The following SUSD5 variants were observed in gnomAD, a reference collection of about 807,000 sequenced individuals.
The protein encoded by SUSD5 is sushi domain containing 5, also known as sushi domain-containing protein 5.
In SUSD5, 33 loss-of-function variants were observed where a neutral mutation model predicts 29.5. The observed-to-expected ratio is 1.12, with a 90% confidence interval of 0.85 to 1.49. The LOEUF (loss-of-function observed/expected upper bound fraction) is 1.49. SUSD5 is among the 40% of genes most tolerant of loss of function. SUSD5 has a pLI of 0.00. For synonymous variants in SUSD5, 308 were observed against 325.3 expected (o/e 0.95, Z 0.57); for missense variants, 776 against 800.6 (o/e 0.97, Z 0.37).
In SUSD5 at chr3:33,167,076, C is replaced by T. The variant is rs1048086582; in HGVS notation, c.598+7810G>A. On this transcript the variant is annotated intron_variant, in intron 4 of 4. Coordinates refer to ENST00000309558, the MANE Select transcript of SUSD5 (RefSeq NM_015551.2). This position sits in a 1 kb window ranked among gnomAD's most constrained non-coding sequence, Gnocchi z 4.1. ...TGCCTGTAATCCCAGGTACTCAGGA[C>T]GCTGAGGCAGAAGAACAGCTTGAAC... is the stretch of plus-strand genomic sequence containing the variant. Among the ~76,000 whole-genome samples the T allele has an allele frequency of 6.6e-6, 1 of 151,866 alleles. No individual in the cohort carries two copies.
chr3:33,217,690 CTT>C (rs796649693), intron 1 of SUSD5, among the ~76,000 whole-genome samples: 11 of 144,972 alleles, frequency 7.6e-5, no homozygotes, highest in African/African-American at 2.5e-4. Context: ...GACAACCATG[CTT>C]TTTTTTTTTT....
chr3:33,178,418 A>G (rs1366792567), intron 3 of SUSD5, among the ~76,000 whole-genome samples: 4 of 151,182 alleles, frequency 2.6e-5, no homozygotes, highest in Non-Finnish European at 4.4e-5. Flanking sequence ...TATGTTCATG[A>G]GATACATTGG....
chr3:33,215,593 T>C (rs2032415653), intron 1 of SUSD5, among the ~76,000 whole-genome samples: 1 of 152,142 alleles, frequency 6.6e-6, no homozygotes, highest in Non-Finnish European at 1.5e-5. Flanking sequence ...CATTTTATAG[T>C]TAAGGTTTAG....
intron 4 of SUSD5, among the ~76,000 whole-genome samples, chr3:33,172,180 AACACACACAC>A (rs10576154): frequency 0.041 from 6,052 of 148,438 alleles, 184 homozygotes; most frequent in East Asian, 0.17. Flanking sequence ...ACTCTTGTAA[AACACACACAC>A]ACACACACAC....
At chr3:33,172,279 T>C (rs1424345918) in intron 4 of SUSD5, among the ~76,000 whole-genome samples, 1 of 152,118 alleles carries the variant, frequency 6.6e-6, no homozygotes, top group Non-Finnish European at 1.5e-5. Flanking sequence ...CTGTTAACAA[T>C]CTGTATATCC....
intron 3 of SUSD5, among the ~76,000 whole-genome samples, chr3:33,187,734 T>C (rs2031806940): frequency 6.6e-6 from 1 of 151,638 alleles, no homozygotes; most frequent in Non-Finnish European, 1.5e-5. Context: ...ACATGTGCCA[T>C]GTTGGTGTGC....
chr3:33,164,998 ACACACAC>A, intron 4 of SUSD5, among the ~76,000 whole-genome samples: 1 of 150,978 alleles, frequency 6.6e-6, no homozygotes, highest in Non-Finnish European at 1.5e-5. Flanking sequence ...ACACACACAC[ACACACAC>A]ACGTATGATC....
chr3:33,206,247 G>A (rs183115944), intron 3 of SUSD5, among the ~76,000 whole-genome samples: 6 of 152,042 alleles, frequency 3.9e-5, no homozygotes, highest in African/African-American at 9.6e-5. Flanking sequence ...GGTGGCGGGC[G>A]CCTGTAATCC....
intron 4 of SUSD5, among the ~76,000 whole-genome samples, chr3:33,159,693 C>T (rs2031135194): frequency 7.9e-6 from 1 of 127,002 alleles, no homozygotes; most frequent in African/African-American, 3.1e-5. Flanking sequence ...GGAAACACCA[C>T]CAAACACACC....
At chr3:33,200,820 T>G (rs563026636) in intron 3 of SUSD5, among the ~76,000 whole-genome samples, 18 of 152,274 alleles carry the variant, frequency 1.2e-4, no homozygotes, top group Non-Finnish European at 2.2e-4. Flanking sequence ...TTGGCTGAAT[T>G]GTGTTTGTGT....
chr3:33,157,859 G>A (rs900739906), intron 4 of SUSD5, among the ~76,000 whole-genome samples: 1 of 152,228 alleles, frequency 6.6e-6, no homozygotes, highest in Non-Finnish European at 1.5e-5. Flanking sequence ...TCACCTGAGT[G>A]AGCCCAGCCC....
intron 2 of SUSD5, among the ~76,000 whole-genome samples, chr3:33,209,357 C>T (rs1007790642): frequency 6.6e-6 from 1 of 152,048 alleles, no homozygotes; most frequent in East Asian, 1.9e-4. Flanking sequence ...TTTCATATTA[C>T]TTTTATTCTA....
intron 3 of SUSD5, 132 bp downstream of exon 3, chr3:33,207,676 C>G (rs2032246760): frequency 3.4e-6 from 2 of 589,730 alleles, no homozygotes; most frequent in South Asian, 4.5e-5. Flanking sequence ...ATTGGCTTTT[C>G]TTTGGAAGAC....
chr3:33,216,627 TC>T (rs2032432075), intron 1 of SUSD5, among the ~76,000 whole-genome samples: 1 of 152,236 alleles, frequency 6.6e-6, no homozygotes. Context: ...TCCTTAGGAT[TC>T]TGCCCACGCA....
intron 4 of SUSD5, among the ~76,000 whole-genome samples, chr3:33,161,240 A>G (rs1427450233): frequency 6.6e-6 from 1 of 152,182 alleles, no homozygotes; most frequent in Non-Finnish European, 1.5e-5. Flanking sequence ...AGAAGCTGGG[A>G]GGAGGTAAAT....
At chr3:33,157,173 G>C (rs1022177948) in intron 4 of SUSD5, among the ~76,000 whole-genome samples, 7 of 152,166 alleles carry the variant, frequency 4.6e-5, no homozygotes, top group African/African-American at 9.7e-5. Context: ...CTCACTGAGT[G>C]CTGACTATGT....
At chr3:33,191,809 G>A (rs926383855) in intron 3 of SUSD5, among the ~76,000 whole-genome samples, 56 of 152,060 alleles carry the variant, frequency 3.7e-4, no homozygotes, top group Non-Finnish European at 4.3e-4. Context: ...GCCAGGCATG[G>A]TGGTGTGCGC....
At chr3:33,181,876 A>G (rs2031679464) in intron 3 of SUSD5, among the ~76,000 whole-genome samples, 1 of 152,132 alleles carries the variant, frequency 6.6e-6, no homozygotes, top group South Asian at 2.1e-4. Context: ...GTGTAAGTAC[A>G]CTCTACGATG....
intron 4 of SUSD5, among the ~76,000 whole-genome samples, chr3:33,173,839 G>A (rs1265196049): frequency 2.0e-5 from 3 of 152,218 alleles, no homozygotes. Flanking sequence ...CCGAGGTATA[G>A]GAGTCACAAG....
Sources: gnomAD v4.1 joint callset for allele counts (sites outside exome capture counted in the v4.1 genomes callset) on GRCh38, gnomAD v4.1.1 for gene constraint, Gnocchi (gnomAD v3.1) non-coding constraint, MANE v1.5 for transcripts, NCBI Gene and HGNC (gene_info 2026-07-23, HGNC 2026-07-21) for gene names.